Variants in PATL2 observed in about 807,000 individuals in gnomAD.
PATL2 encodes protein PAT1 homolog 2.
A neutral mutation model predicts 77.0 loss-of-function variants in PATL2; 73 were observed. That is an observed-to-expected ratio of 0.95 (90% CI 0.78 to 1.15). The LOEUF (loss-of-function observed/expected upper bound fraction) is 1.15. PATL2 is among the 50% of genes most tolerant of loss of function. The pLI is 0.00. For missense variants in PATL2, 618 were observed against 655.4 expected (o/e 0.94, Z 0.62); for synonymous variants, 265 against 257.1 (o/e 1.03, Z -0.29).
At chr15:44,706,861 G>C (rs776470779) in intron 3 of PATL2, among the ~76,000 whole-genome samples, 5 of 152,212 alleles carry the variant, frequency 3.3e-5, no homozygotes, top group South Asian at 2.1e-4. Flanking sequence ...CCCCCAGCCT[G>C]GGGTGAATCC....
chr15:44,676,884 C>T, intron 3 of PATL2: 1 of 1,076,656 alleles, frequency 9.3e-7, no homozygotes. Flanking sequence ...TGTTGCTGTC[C>T]TTTCTGTTTA....
At position 44,676,560 on chromosome 15, in the gene PATL2, G is replaced by A. The variant is rs1595971489; in HGVS notation, c.-70C>T. 14 of 1,550,168 alleles carry A rather than the reference G, an allele frequency of 9.0e-6. No individual in the cohort carries two copies. The highest frequency in any genetic ancestry group is 1.2e-5 in the Non-Finnish European group (14 of 1,146,076). The stretch of plus-strand genomic sequence containing the variant: ...AAACAGCATTGCCAGCCTCTGGAAG[G>A]TAAACCTGAGACAAGAAAGAGGCCA... On this transcript the variant is annotated 5_prime_UTR_variant, in exon 4 of 18. Coordinates refer to ENST00000682850, the MANE Select transcript of PATL2 (RefSeq NM_001387263.1).
intron 8 of PATL2, 110 bp downstream of exon 8, chr15:44,672,278 A>G (rs2085726597): frequency 6.6e-7 from 1 of 1,526,208 alleles, no homozygotes; most frequent in Non-Finnish European, 8.9e-7. Flanking sequence ...GGGCAACAGT[A>G]TGAGAGTTTT....
intron 6 of PATL2, 61 bp downstream of exon 6, chr15:44,674,088 TA>T: frequency 6.9e-7 from 1 of 1,447,402 alleles, no homozygotes; most frequent in Non-Finnish European, 9.4e-7. Flanking sequence ...GGGTTGGGGG[TA>T]GACTGAACAT....
intron 3 of PATL2, among the ~76,000 whole-genome samples, chr15:44,709,046 CT>C (rs1310500151): frequency 6.6e-6 from 1 of 152,062 alleles, no homozygotes; most frequent in Non-Finnish European, 1.5e-5. Context: ...TTACAGATGC[CT>C]GCCACCATGC....
intron 5 of PATL2, 21 bp from the exon 6 acceptor site, chr15:44,674,251 A>T: frequency 6.6e-7 from 1 of 1,510,852 alleles, no homozygotes; most frequent in Non-Finnish European, 9.0e-7. Flanking sequence ...AGGGAGGAAA[A>T]ACCAGGCTCA....
At chr15:44,710,319 C>T (rs1368457093) in intron 2 of PATL2, among the ~76,000 whole-genome samples, 105 bp from the exon 3 acceptor site, 3 of 152,190 alleles carry the variant, frequency 2.0e-5, no homozygotes, top group African/African-American at 7.2e-5. Flanking sequence ...GATCTCTGCC[C>T]CTCCCCATCG....
intron 3 of PATL2, among the ~76,000 whole-genome samples, chr15:44,707,610 A>T (rs935349597): frequency 1.3e-5 from 2 of 152,112 alleles, no homozygotes; most frequent in Non-Finnish European, 2.9e-5. Flanking sequence ...AATGCAAGAC[A>T]AACTCATCTT....
rs1398399015 is a variant in PATL2 at position 44,673,230 on chromosome 15, A to G, written c.446+5T>C. ...AGACCTCTGGGGAGAACCTCAAACC[A>G]GTACCTGAACCTAGGGGGCCACGAG... On this transcript the variant is annotated splice_donor_5th_base_variant and intron_variant, in intron 7 of 17. Coordinates refer to ENST00000682850, the MANE Select transcript of PATL2 (RefSeq NM_001387263.1). The G allele has an allele frequency of 2.6e-6, 4 of 1,551,084 alleles. No individual in the cohort carries two copies. The highest frequency in any genetic ancestry group is 1.2e-5 in the South Asian group (1 of 84,046).
intron 9 of PATL2, among the ~76,000 whole-genome samples, 173 bp downstream of exon 9, chr15:44,671,842 G>T (rs1475445103): frequency 6.6e-6 from 1 of 152,168 alleles, no homozygotes; most frequent in South Asian, 2.1e-4. Flanking sequence ...AAGATAGAGA[G>T]AAATGAGTTT....
intron 3 of PATL2, among the ~76,000 whole-genome samples, chr15:44,706,342 T>G (rs796889055): frequency 3.9e-5 from 6 of 152,296 alleles, no homozygotes; most frequent in Non-Finnish European, 8.8e-5. Context: ...GATCTAAGTT[T>G]TTGGTCACTG....
chr15:44,667,071 A>C, intron 16 of PATL2, 35 bp downstream of exon 16: 3 of 1,439,050 alleles, frequency 2.1e-6, no homozygotes, highest in Non-Finnish European at 2.9e-6. Flanking sequence ...TCCCGAGGGT[A>C]CTAGATAGTA....
Position 44,673,861 on chromosome 15 carries a change from C to T in PATL2, c.303+289G>A, listed in dbSNP as rs368590999. ...GGCAGGTGCTCTTTCCAGCTAAGCG[C>T]TGGCCATCTGCTGAAAGATTGCCTA... On this transcript the variant is annotated intron_variant, in intron 6 of 17. Coordinates refer to ENST00000682850, the MANE Select transcript of PATL2 (RefSeq NM_001387263.1). 3.3e-5 allele frequency among the ~76,000 whole-genome samples: 5 copies of T among 152,350 alleles called. No homozygotes were observed. The East Asian group carries it at 7.7e-4, about 23-fold the overall frequency.
At chr15:44,683,398 G>C (rs2086179024) in intron 3 of PATL2, among the ~76,000 whole-genome samples, 1 of 152,176 alleles carries the variant, frequency 6.6e-6, no homozygotes, top group Non-Finnish European at 1.5e-5. Flanking sequence ...CTTGAGCTTG[G>C]TGGGGGGAGG....
rs551878031 is a variant in PATL2, at chr15:44,691,660, C to CA, written c.-75-15096dup. On this transcript the variant is annotated intron_variant, in intron 3 of 17. Transcript: ENST00000682850. The stretch of plus-strand genomic sequence containing the variant: ...TGAGCCACAGAGTGAGACTCTGTCT[C>CA]AAAAAAAAAAAAAAATTAAATTAAA... 7.6e-3 allele frequency among the ~76,000 whole-genome samples: 761 copies of CA among 99,934 alleles called. 2 individuals are homozygous for CA. Among genetic ancestry groups the CA allele is most frequent in the African/African-American group, 0.019 (539 of 28,766 alleles). The allele number at this position is 99,934 out of a possible 152,430, so 65.6% of individuals were successfully genotyped here.
intron 5 of PATL2, chr15:44,675,022 G>A (rs1027323538): frequency 2.5e-5 from 4 of 158,962 alleles, no homozygotes; most frequent in African/African-American, 9.6e-5. Flanking sequence ...TTGACCAAGG[G>A]TAACTGAAAT....
chr15:44,703,076 C>A (rs2141267312), intron 3 of PATL2, among the ~76,000 whole-genome samples: 1 of 152,142 alleles, frequency 6.6e-6, no homozygotes, highest in Non-Finnish European at 1.5e-5. Context: ...GAGATCAAGA[C>A]CATCCTGACT....
At chr15:44,676,650 G>A in intron 3 of PATL2, 85 bp from the exon 4 acceptor site, 1 of 1,328,548 alleles carries the variant, frequency 7.5e-7, no homozygotes, top group Non-Finnish European at 1.0e-6. Context: ...AATCCTCCCA[G>A]CAAGATGGTT....
intron 3 of PATL2, among the ~76,000 whole-genome samples, chr15:44,704,817 CT>C (rs2086698691): frequency 6.6e-6 from 1 of 152,170 alleles, no homozygotes; most frequent in Non-Finnish European, 1.5e-5. Context: ...AATCCCTCAA[CT>C]TTTGTTTGTC....
Sources: allele counts gnomAD v4.1 joint callset (sites outside exome capture counted in the v4.1 genomes callset), GRCh38; gene constraint gnomAD v4.1.1; transcripts MANE v1.5; gene names NCBI Gene and HGNC (gene_info 2026-07-23, HGNC 2026-07-21).